Variants in SAV1 observed in about 807,000 individuals in gnomAD.
SAV1 encodes the protein salvador family WW domain containing protein 1.
A neutral mutation model predicts 47.3 loss-of-function variants in SAV1; 23 were observed. The observed-to-expected ratio is 0.49, with a 90% CI of 0.35 to 0.69. The LOEUF is 0.69. SAV1 is among the 30% of genes least tolerant of loss of function. The pLI is 0.01. For synonymous variants in SAV1, 155 were observed against 159.2 expected (o/e 0.97, Z 0.20); for missense variants, 448 against 457.4 (o/e 0.98, Z 0.19).
intron 2 of SAV1, among the ~76,000 whole-genome samples, chr14:50,650,804 C>T (rs115137958): frequency 0.044 from 6,651 of 152,198 alleles, 142 homozygotes; most frequent in Middle Eastern, 0.051. Flanking sequence ...GATGGACCAC[C>T]TGATGTCAGA....
chr14:50,668,137 A>C lies in SAV1; in HGVS notation c.-170T>G, dbSNP rs1566750539. 1 of 346,470 alleles carries C rather than the reference A, an allele frequency of 2.9e-6. No homozygotes were observed. Among genetic ancestry groups the C allele is most frequent in the African/African-American group, 2.2e-5 (1 of 45,242 alleles). 21.5% of individuals were successfully genotyped at this position (346,470 alleles called of 1,614,324 possible). The stretch of plus-strand genomic sequence containing the variant: ...CGGGGTCGCCCGCAGGGACTGCCGC[A>C]TGTTCAGGGCGCTAAGCGCGCCGGC... On this transcript the variant is annotated 5_prime_UTR_variant, in exon 1 of 5. It removes an upstream start codon present in the reference 5' UTR. Transcript: ENST00000324679.
intron 4 of SAV1, chr14:50,637,950 G>C (rs1382609204): frequency 6.6e-6 from 1 of 152,170 alleles, no homozygotes; most frequent in Non-Finnish European, 1.5e-5. Flanking sequence ...CTCTCAAGTA[G>C]CTTGGATTAC....
chr14:50,634,203 C>A lies in SAV1; in HGVS notation c.*980G>T. The A allele has an allele frequency of 2.2e-6, 1 of 455,198 alleles. No individual in the cohort carries two copies. The highest frequency in any genetic ancestry group is 4.4e-6 in the Non-Finnish European group (1 of 226,258). The allele number at this position is 455,198 out of a possible 1,614,324, so 28.2% of individuals were successfully genotyped here. A position where few individuals can be genotyped will look rare whatever the true frequency, so the allele number is the denominator to read the frequency against. On this transcript the variant is annotated 3_prime_UTR_variant, in exon 5 of 5. Transcript: ENST00000324679. ...AAAATAAGGAAGATGATGTTAGCAA[C>A]TTTGAGTTTCACGCACCTTCCCAAT...
chr14:50,646,034 T>C (rs2039718508), intron 2 of SAV1, among the ~76,000 whole-genome samples: 1 of 152,176 alleles, frequency 6.6e-6, no homozygotes, highest in Non-Finnish European at 1.5e-5. Context: ...AGTTAAGATG[T>C]CAATTCTCCT....
At chr14:50,652,074 G>GAATAGTTAC (rs2039774276) in intron 2 of SAV1, among the ~76,000 whole-genome samples, 1 of 152,140 alleles carries the variant, frequency 6.6e-6, no homozygotes, top group Non-Finnish European at 1.5e-5. Context: ...TAAAGCAAAT[G>GAATAGTTAC]AATAGTTACA....
intron 4 of SAV1, among the ~76,000 whole-genome samples, chr14:50,636,168 G>C (rs1389092587): frequency 6.6e-6 from 1 of 152,130 alleles, no homozygotes; most frequent in Non-Finnish European, 1.5e-5. Flanking sequence ...AATTTCTGAA[G>C]AACATATTTT....
chr14:50,647,046 T>C (rs1184791997), intron 2 of SAV1, among the ~76,000 whole-genome samples: 2 of 152,120 alleles, frequency 1.3e-5, no homozygotes, highest in African/African-American at 2.4e-5. Flanking sequence ...GACATCCATA[T>C]GCAAAAAACC....
In SAV1 at chr14:50,634,965, A is replaced by G. The variant is rs1332345027; in HGVS notation, c.*218T>C. ...ATACCAAAACAGTTTCCTAATATAC[A>G]GTATTTGAAAGTGTTTGCCATATTG... is the stretch of plus-strand genomic sequence containing the variant. On this transcript the variant is annotated 3_prime_UTR_variant, in exon 5 of 5. Transcript: ENST00000324679. 5.8e-6 allele frequency: 3 copies of G among 518,896 alleles called. No homozygotes were observed. Among genetic ancestry groups the G allele is most frequent in the East Asian group, 3.4e-5 (1 of 29,694 alleles). The allele number at this position is 518,896 out of a possible 1,614,324, so 32.1% of individuals were successfully genotyped here. A position where few individuals can be genotyped will look rare whatever the true frequency, so the allele number is the denominator to read the frequency against.
chr14:50,649,322 AAAG>A (rs1235017039), intron 2 of SAV1, among the ~76,000 whole-genome samples: 1 of 152,212 alleles, frequency 6.6e-6, no homozygotes, highest in Non-Finnish European at 1.5e-5. Flanking sequence ...AGAATCCCAC[AAAG>A]AAGATTCTTA....
intron 2 of SAV1, among the ~76,000 whole-genome samples, chr14:50,663,717 T>C (rs1213576227): frequency 2.0e-5 from 3 of 152,184 alleles, no homozygotes; most frequent in African/African-American, 4.8e-5. Context: ...TACCCACTGG[T>C]ACCTGCAATC....
intron 2 of SAV1, among the ~76,000 whole-genome samples, chr14:50,645,925 T>G (rs909246838): frequency 3.3e-5 from 5 of 152,122 alleles, no homozygotes; most frequent in African/African-American, 1.2e-4. Flanking sequence ...TTATAATAGC[T>G]CCAAAGAATT....
intron 2 of SAV1, among the ~76,000 whole-genome samples, chr14:50,648,493 T>C (rs778390550): frequency 2.0e-5 from 3 of 152,176 alleles, no homozygotes; most frequent in South Asian, 2.1e-4. Flanking sequence ...AGAATACTAA[T>C]AGTTGGCCGG....
rs2356459 is a variant in SAV1 at position 50,653,098 on chromosome 14, A to G, written c.536-8084T>C. 3.0e-4 allele frequency among the ~76,000 whole-genome samples: 46 copies of G among 152,356 alleles called. No homozygotes were observed. The South Asian group carries it at 9.3e-3, about 31-fold the overall frequency. Reference sequence around the variant, plus strand: ...TCTACAAAACATTCTGTACTCCTCAAAACTGTCAAGGTCATAAAAAACAAA... The same window carrying G: ...TCTACAAAACATTCTGTACTCCTCAGAACTGTCAAGGTCATAAAAAACAAA... On this transcript the variant is annotated intron_variant, in intron 2 of 4. Coordinates refer to ENST00000324679, the MANE Select transcript of SAV1 (RefSeq NM_021818.4).
chr14:50,653,761 C>T lies in SAV1; in HGVS notation c.536-8747G>A, dbSNP rs2934690. 8.7e-3 allele frequency among the ~76,000 whole-genome samples: 1,322 copies of T among 151,612 alleles called. 29 individuals carry two copies. Among genetic ancestry groups the T allele is most frequent in the African/African-American group, 0.03 (1,234 of 41,278 alleles). On this transcript the variant is annotated intron_variant, in intron 2 of 4. Transcript: ENST00000324679. Reference sequence around the variant, plus strand: ...GCGCATACTTGTAGTCCCAGCTACTCGGGAGGCTGAGGCAGCAGAATTGCT... The same window carrying T: ...GCGCATACTTGTAGTCCCAGCTACTTGGGAGGCTGAGGCAGCAGAATTGCT...
At chr14:50,652,967 G>A (rs1217301383) in intron 2 of SAV1, among the ~76,000 whole-genome samples, 1 of 152,034 alleles carries the variant, frequency 6.6e-6, no homozygotes, top group East Asian at 1.9e-4. Context: ...GGAGGTGGAG[G>A]TTGCAATGAG....
chr14:50,659,104 A>C (rs2039837650), intron 2 of SAV1, among the ~76,000 whole-genome samples: 1 of 137,952 alleles, frequency 7.2e-6, no homozygotes, highest in Non-Finnish European at 1.5e-5. Context: ...TGGTTGGGAG[A>C]GATACCTTAT....
chr14:50,633,899 C>A lies in SAV1; in HGVS notation c.*1284G>T. 6.0e-6 allele frequency: 1 copy of A among 166,998 alleles called. No homozygotes were observed. Among genetic ancestry groups the A allele is most frequent in the South Asian group, 1.5e-4 (1 of 6,752 alleles). The allele number at this position is 166,998 out of a possible 1,614,324, so 10.3% of individuals were successfully genotyped here. A position where few individuals can be genotyped will look rare whatever the true frequency, so the allele number is the denominator to read the frequency against. Reference sequence around the variant, plus strand: ...GAAGTATCACCAATTTGTTTGCAATCAAATGTACAGCACTAATTATGAAAA... The same window carrying A: ...GAAGTATCACCAATTTGTTTGCAATAAAATGTACAGCACTAATTATGAAAA... On this transcript the variant is annotated 3_prime_UTR_variant, in exon 5 of 5. Transcript: ENST00000324679.
chr14:50,658,338 G>C (rs115349896), intron 2 of SAV1, among the ~76,000 whole-genome samples: 1,763 of 152,262 alleles, frequency 0.012, 31 homozygotes, highest in African/African-American at 0.041. Flanking sequence ...CAAAACAAAG[G>C]AATTCAGTCT....
intron 4 of SAV1, among the ~76,000 whole-genome samples, chr14:50,639,400 C>T (rs1231432054): frequency 6.6e-6 from 1 of 152,154 alleles, no homozygotes; most frequent in Admixed American, 6.5e-5. Context: ...TAACCACTCA[C>T]CCTTTGTTGA....
Sources: gnomAD v4.1 joint callset for allele counts (sites outside exome capture counted in the v4.1 genomes callset) on GRCh38, gnomAD v4.1.1 for gene constraint, MANE v1.5 for transcripts, NCBI Gene and HGNC (gene_info 2026-07-23, HGNC 2026-07-21) for gene names.